Variants in EYS observed in about 807,000 individuals in gnomAD.
EYS encodes protein eyes shut homolog.
EYS carries 250 observed loss-of-function variants against 282.1 expected under a neutral mutation model. The observed-to-expected ratio is 0.89, with a 90% CI of 0.80 to 0.98. The LOEUF is 0.98. Ranked by LOEUF, EYS falls within the 50% of genes least tolerant of loss-of-function variation. EYS has a pLI of 0.00. For missense variants in EYS, 4,016 were observed against 3,709.0 expected (o/e 1.08, Z -2.15); for synonymous variants, 1,355 against 1,282.9 (o/e 1.06, Z -1.20).
At chr6:64,680,373 C>T (rs1769857895) in intron 22 of EYS, among the ~76,000 whole-genome samples, 1 of 152,118 alleles carries the variant, frequency 6.6e-6, no homozygotes, top group South Asian at 2.1e-4. Context: ...AATAAGGAAA[C>T]TTTTGTTTAA....
At chr6:64,713,264 A>G (rs1263267420) in intron 22 of EYS, 3 of 152,098 alleles carry the variant, frequency 2.0e-5, no homozygotes, top group African/African-American at 7.2e-5. Context: ...AGCAGGGAAA[A>G]TACTTACTTT....
intron 5 of EYS, among the ~76,000 whole-genome samples, chr6:65,439,766 A>T (rs376431614): frequency 3.2e-4 from 48 of 152,136 alleles, no homozygotes; most frequent in African/African-American, 1.1e-3. Context: ...GTGTCCTCAC[A>T]ATTTCAACCC....
chr6:64,892,537 C>G (rs574395140), intron 18 of EYS, among the ~76,000 whole-genome samples: 19 of 151,992 alleles, frequency 1.3e-4, no homozygotes, highest in African/African-American at 4.6e-4. Flanking sequence ...TATTTTAAAG[C>G]ATTTCTACTT....
intron 22 of EYS, among the ~76,000 whole-genome samples, chr6:64,704,248 T>G (rs974635035): frequency 6.7e-6 from 1 of 149,884 alleles, no homozygotes; most frequent in Non-Finnish European, 1.5e-5. Flanking sequence ...TCCACTTATA[T>G]CTGTACTTTG....
At chr6:64,434,597 G>A (rs1171099313) in intron 28 of EYS, among the ~76,000 whole-genome samples, 2 of 152,102 alleles carry the variant, frequency 1.3e-5, no homozygotes, top group Admixed American at 6.6e-5. Flanking sequence ...TCTCTAGCAT[G>A]GTTCATGGGG....
chr6:64,288,377 A>G (rs1308303821), intron 30 of EYS, among the ~76,000 whole-genome samples: 1 of 152,130 alleles, frequency 6.6e-6, no homozygotes, highest in Admixed American at 6.6e-5. Context: ...TGCATTTCCA[A>G]AGTGGAATGT....
At chr6:65,414,318 C>G (rs1379387214) in intron 5 of EYS, among the ~76,000 whole-genome samples, 1 of 152,066 alleles carries the variant, frequency 6.6e-6, no homozygotes. Context: ...GATTATGGAG[C>G]ATTTTGTTCT....
intron 13 of EYS, among the ~76,000 whole-genome samples, chr6:65,030,258 T>A (rs1213960693): frequency 1.3e-5 from 2 of 152,120 alleles, no homozygotes; most frequent in African/African-American, 2.4e-5. Flanking sequence ...TGATGCTGCT[T>A]GCAGCACAGT....
chr6:64,375,379 T>G lies in EYS; in HGVS notation c.6078+13311A>C, dbSNP rs183995186. ...GAATGTCATATGTTAGCCTCAAAAT[T>G]AACTCTTCATTGAAAACATGAGTTA... On this transcript the variant is annotated intron_variant, in intron 29 of 42. Coordinates refer to ENST00000503581, the MANE Select transcript of EYS (RefSeq NM_001142800.2). Among the ~76,000 whole-genome samples, 30 of 152,308 alleles carry G rather than the reference T, an allele frequency of 2.0e-4. No individual in the cohort carries two copies. The East Asian group carries it at 5.0e-3, about 25-fold the overall frequency.
At chr6:64,089,376 A>C (rs1479652842) in intron 31 of EYS, among the ~76,000 whole-genome samples, 14 of 150,064 alleles carry the variant, frequency 9.3e-5, no homozygotes, top group Non-Finnish European at 7.4e-5. Context: ...CTCAAGATAC[A>C]TGAAATTTTA....
intron 6 of EYS, among the ~76,000 whole-genome samples, chr6:65,404,646 A>G (rs1766649858): frequency 6.6e-6 from 1 of 151,968 alleles, no homozygotes; most frequent in Non-Finnish European, 1.5e-5. Context: ...TCTATATAAT[A>G]TAACTAATTC....
chr6:64,731,554 G>GA (rs1249670057), intron 22 of EYS, among the ~76,000 whole-genome samples: 2 of 152,042 alleles, frequency 1.3e-5, no homozygotes, highest in African/African-American at 2.4e-5. Context: ...ACAAACATAT[G>GA]AAAAAAAGCT....
intron 12 of EYS, among the ~76,000 whole-genome samples, chr6:65,202,649 T>C (rs1024663889): frequency 2.6e-5 from 4 of 152,178 alleles, no homozygotes; most frequent in African/African-American, 9.6e-5. Context: ...TGGGTACCCC[T>C]CCCTTCTTTA....
intron 5 of EYS, among the ~76,000 whole-genome samples, chr6:65,481,984 A>G (rs1765623923): frequency 6.6e-6 from 1 of 152,074 alleles, no homozygotes; most frequent in Non-Finnish European, 1.5e-5. Context: ...TCAGAGGAAG[A>G]CTCAGTTCTT....
At chr6:64,752,543 C>T (rs1583114863) in intron 22 of EYS, among the ~76,000 whole-genome samples, 1 of 151,924 alleles carries the variant, frequency 6.6e-6, no homozygotes, top group Non-Finnish European at 1.5e-5. Context: ...ATAGGTATTG[C>T]TGAGGGAGAA....
At chr6:64,076,294 G>C (rs1771769145) in intron 32 of EYS, among the ~76,000 whole-genome samples, 1 of 151,900 alleles carries the variant, frequency 6.6e-6, no homozygotes, top group African/African-American at 2.4e-5. Context: ...TATCAAGGTT[G>C]AATAACTCAG....
intron 22 of EYS, among the ~76,000 whole-genome samples, chr6:64,727,128 A>T (rs932500826): frequency 6.6e-6 from 1 of 152,204 alleles, no homozygotes; most frequent in Non-Finnish European, 1.5e-5. Context: ...AATTGCCAAC[A>T]AATGTAAATA....
At chr6:63,728,276 CTTGA>C (rs1768692771) in intron 41 of EYS, among the ~76,000 whole-genome samples, 1 of 152,052 alleles carries the variant, frequency 6.6e-6, no homozygotes, top group South Asian at 2.1e-4. Context: ...ATATCTAATA[CTTGA>C]TTTATTTTAA....
rs1197252466 is a variant in EYS at position 64,234,864 on chromosome 6, G to A, written c.6192-4040C>T. Among the ~76,000 whole-genome samples the A allele has an allele frequency of 3.4e-5, 5 of 148,410 alleles. No homozygotes were observed. In the East Asian group the frequency reaches 8.3e-4, roughly 24 times the overall value. ...TCAAGGTTCACCCATGTTGTTGCACGTATCAGAACTTTATTCTTTTTTTTT... is the reference window on the plus strand; with the variant it reads ...TCAAGGTTCACCCATGTTGTTGCACATATCAGAACTTTATTCTTTTTTTTT... On this transcript the variant is annotated intron_variant, in intron 30 of 42. Coordinates refer to ENST00000503581, the MANE Select transcript of EYS (RefSeq NM_001142800.2).
Sources: gnomAD v4.1 joint callset for allele counts (sites outside exome capture counted in the v4.1 genomes callset) on GRCh38, gnomAD v4.1.1 for gene constraint, MANE v1.5 for transcripts, NCBI Gene and HGNC (gene_info 2026-07-23, HGNC 2026-07-21) for gene names.